Variants in PLAAT2 observed in about 807,000 individuals in gnomAD.
PLAAT2 encodes the protein HRAS like suppressor 2.
PLAAT2 carries 12 observed loss-of-function variants against 12.8 expected under a neutral mutation model. The observed-to-expected ratio is 0.94, with a 90% CI of 0.60 to 1.52. PLAAT2 has a LOEUF of 1.52. Among genes scored for constraint, PLAAT2 ranks in the 40% most tolerant of loss-of-function variants. PLAAT2 has a pLI of 0.00. For missense variants in PLAAT2, 166 were observed against 208.1 expected (o/e 0.80, Z 1.24); for synonymous variants, 79 against 86.8 (o/e 0.91, Z 0.50).
intron 1 of PLAAT2, among the ~76,000 whole-genome samples, chr11:63,560,398 G>A (rs956666224): frequency 2.0e-5 from 3 of 152,236 alleles, no homozygotes; most frequent in Non-Finnish European, 4.4e-5. Flanking sequence ...CTCTTCAGGG[G>A]ACAAGGAGGA....
rs2017506401 is a variant in PLAAT2, at chr11:63,560,194, C to T, written c.10-1G>A. On this transcript the variant is annotated splice_acceptor_variant, in intron 1 of 3. Coordinates refer to ENST00000255695, the MANE Select transcript of PLAAT2 (RefSeq NM_017878.2). LOFTEE classifies it high-confidence loss of function. ...CTCCAAGTCTCGGTCTTGGTCTGGC[C>T]TGCAACAGAAAAACCAGAAACAGGC... The T allele has an allele frequency of 1.2e-6, 2 of 1,612,246 alleles. No individual in the cohort carries two copies. Among genetic ancestry groups the T allele is most frequent in the Non-Finnish European group, 1.7e-6 (2 of 1,178,900 alleles).
Position 63,552,793 on chromosome 11 carries a change from T to C in PLAAT2, c.*171A>G, listed in dbSNP as rs752743958. 3 of 586,330 alleles carry C rather than the reference T, an allele frequency of 5.1e-6. No individual in the cohort carries two copies. The highest frequency in any genetic ancestry group is 9.2e-6 in the Non-Finnish European group (3 of 326,118). The allele number at this position is 586,330 out of a possible 1,614,324, so 36.3% of individuals were successfully genotyped here. A position where few individuals can be genotyped will look rare whatever the true frequency, so the allele number is the denominator to read the frequency against. ...TAGCAGAGCCCAATTGTGTCTTTAA[T>C]AGAATTCATACTAAGCTGCATTTCC... is the stretch of plus-strand genomic sequence containing the variant. On this transcript the variant is annotated 3_prime_UTR_variant, in exon 4 of 4. Transcript: ENST00000255695.
At chr11:63,562,956 A>G (rs2017531465) in intron 1 of PLAAT2, among the ~76,000 whole-genome samples, 1 of 152,188 alleles carries the variant, frequency 6.6e-6, no homozygotes, top group Non-Finnish European at 1.5e-5. Context: ...GTGACAGAGG[A>G]GGCGGCCTGT....
intron 1 of PLAAT2, among the ~76,000 whole-genome samples, chr11:63,562,400 C>A (rs935713149): frequency 1.2e-4 from 18 of 152,138 alleles, no homozygotes; most frequent in Non-Finnish European, 2.4e-4. Context: ...AAGCACATAC[C>A]ATTATCCTTG....
upstream of PLAAT2, chr11:63,563,504 G>A: frequency 1.6e-6 from 1 of 640,528 alleles, no homozygotes; most frequent in Non-Finnish European, 2.7e-6. Context: ...GGATCACAAG[G>A]TCAGGAGATC....
chr11:63,563,247 C>A, intron 1 of PLAAT2, 69 bp downstream of exon 1: 1 of 1,584,876 alleles, frequency 6.3e-7, no homozygotes, highest in Admixed American at 1.7e-5. Context: ...AACAAGAATA[C>A]ACATAATCAT....
Position 63,552,940 on chromosome 11 carries a change from G to A in PLAAT2, c.*24C>T. ...ATAATATTCCTCCGTAAGAATTGGTGGTTGTTGGGACAATTTCTTGGATTT... is the reference window on the plus strand; with the variant it reads ...ATAATATTCCTCCGTAAGAATTGGTAGTTGTTGGGACAATTTCTTGGATTT... On this transcript the variant is annotated 3_prime_UTR_variant, in exon 4 of 4. Transcript: ENST00000255695. 1 of 1,493,028 alleles carries A rather than the reference G, an allele frequency of 6.7e-7. No individual in the cohort carries two copies. Among genetic ancestry groups the A allele is most frequent in the Non-Finnish European group, 9.3e-7 (1 of 1,070,122 alleles). The allele number at this position is 1,493,028 out of a possible 1,614,324, so 92.5% of individuals were successfully genotyped here.
upstream of PLAAT2, among the ~76,000 whole-genome samples, chr11:63,564,172 TATA>T (rs1469012434): frequency 2.2e-4 from 33 of 152,234 alleles, no homozygotes; most frequent in African/African-American, 7.2e-4. Context: ...TGGACAGCAG[TATA>T]GAAACCACTC....
At chr11:63,564,867 T>A (rs1324882352), upstream of PLAAT2, among the ~76,000 whole-genome samples, 1 of 152,090 alleles carries the variant, frequency 6.6e-6, no homozygotes, top group Non-Finnish European at 1.5e-5. Flanking sequence ...CAGGAGGACT[T>A]CCACGTGCTG....
intron 3 of PLAAT2, among the ~76,000 whole-genome samples, chr11:63,554,558 G>A (rs1408764525): frequency 6.6e-6 from 1 of 151,350 alleles, no homozygotes; most frequent in East Asian, 1.9e-4. Context: ...AACCCAGGAG[G>A]CAGAGGTTGC....
intron 3 of PLAAT2, among the ~76,000 whole-genome samples, chr11:63,553,766 T>C (rs958724781): frequency 1.3e-5 from 2 of 152,128 alleles, no homozygotes; most frequent in African/African-American, 4.8e-5. Context: ...GAGGCAGATA[T>C]GAAGTTGGGA....
chr11:63,556,126 C>A (rs1429689595), intron 3 of PLAAT2, among the ~76,000 whole-genome samples: 2 of 152,118 alleles, frequency 1.3e-5, no homozygotes, highest in African/African-American at 4.8e-5. Flanking sequence ...AAGAGTCCTG[C>A]AGCTTTCACA....
chr11:63,564,666 A>G (rs1224298388), upstream of PLAAT2, among the ~76,000 whole-genome samples: 1 of 152,118 alleles, frequency 6.6e-6, no homozygotes, highest in African/African-American at 2.4e-5. Context: ...TCTTCAAAGT[A>G]TTCCTTCTGG....
At chr11:63,561,073 C>A (rs112742689) in intron 1 of PLAAT2, among the ~76,000 whole-genome samples, 2,954 of 152,290 alleles carry the variant, frequency 0.019, 88 homozygotes, top group African/African-American at 0.068. Context: ...TGAGCCAAGC[C>A]ACAAAGGAGT....
At chr11:63,554,742 GA>G (rs1479730277) in intron 3 of PLAAT2, among the ~76,000 whole-genome samples, 1 of 152,156 alleles carries the variant, frequency 6.6e-6, no homozygotes, top group African/African-American at 2.4e-5. Flanking sequence ...CACAGACAGG[GA>G]AGCAAGTATT....
In PLAAT2 at chr11:63,552,971, C is replaced by T. The variant is rs1269316485; in HGVS notation, c.482G>A (p.Arg161Lys). ...GILLARSKRE[R>K]Q ...TGGGACAATTTCTTGGATTTATTGCCTTTCCCGCTTGCTTCTGGCCAGCAG... is the reference window on the plus strand; with the variant it reads ...TGGGACAATTTCTTGGATTTATTGCTTTTCCCGCTTGCTTCTGGCCAGCAG... Residue 161 changes from arginine to lysine, a missense_variant, in exon 4 of 4, where the codon AGG becomes AAG. Coordinates refer to ENST00000255695, the MANE Select transcript of PLAAT2 (RefSeq NM_017878.2). The T allele has an allele frequency of 1.9e-6, 3 of 1,611,998 alleles. No individual in the cohort carries two copies. Among genetic ancestry groups the T allele is most frequent in the African/African-American group, 1.3e-5 (1 of 74,896 alleles).
Position 63,552,928 on chromosome 11 carries a change from G to GT in PLAAT2, c.*35dup. On this transcript the variant is annotated 3_prime_UTR_variant, in exon 4 of 4. Coordinates refer to ENST00000255695, the MANE Select transcript of PLAAT2 (RefSeq NM_017878.2). The stretch of plus-strand genomic sequence containing the variant: ...CCTGCTGGCTAAATAATATTCCTCC[G>GT]TAAGAATTGGTGGTTGTTGGGACAA... 1 of 1,374,678 alleles carries GT rather than the reference G, an allele frequency of 7.3e-7. No homozygotes were observed. Among genetic ancestry groups the GT allele is most frequent in the South Asian group, 1.2e-5 (1 of 85,802 alleles). The allele number at this position is 1,374,678 out of a possible 1,614,324, so 85.2% of individuals were successfully genotyped here.
chr11:63,558,774 TC>T, intron 2 of PLAAT2, 114 bp from the exon 3 acceptor site: 1 of 1,298,394 alleles, frequency 7.7e-7, no homozygotes, highest in Non-Finnish European at 1.1e-6. Flanking sequence ...GAAGGACTTG[TC>T]CATCCTGCCT....
intron 1 of PLAAT2, among the ~76,000 whole-genome samples, chr11:63,561,644 C>CAAAAA (rs61140464): frequency 8.3e-5 from 3 of 35,996 alleles, no homozygotes; most frequent in Admixed American, 4.7e-4. Context: ...GACTCCATCA[C>CAAAAA]AAAAAAAAAA....
Sources: allele counts gnomAD v4.1 joint callset (sites outside exome capture counted in the v4.1 genomes callset), GRCh38; gene constraint gnomAD v4.1.1; transcripts MANE v1.5; gene names NCBI Gene and HGNC (gene_info 2026-07-23, HGNC 2026-07-21).